The following XIRP2 variants were observed in gnomAD, a reference collection of about 807,000 sequenced individuals.
The protein encoded by XIRP2 is xin actin-binding repeat-containing protein 2.
Under a neutral mutation model 277.0 loss-of-function variants are expected in XIRP2, and 236 were observed. The ratio of observed to expected loss-of-function variants is 0.85; its 90% confidence interval spans 0.77 to 0.95. XIRP2 has a LOEUF of 0.95. Ranked by LOEUF, XIRP2 falls within the 40% of genes least tolerant of loss-of-function variation. XIRP2 has a pLI of 0.00. For synonymous variants in XIRP2, 1,490 were observed against 1,416.5 expected, an observed-to-expected ratio of 1.05 and a Z score of -1.17; for missense variants, 4,640 against 4,157.5, an observed-to-expected ratio of 1.12 and a Z score of -3.19.
intron 2 of XIRP2, among the ~76,000 whole-genome samples, chr2:166,996,138 A>G (rs756831154): frequency 1.3e-5 from 2 of 152,044 alleles, no homozygotes; most frequent in Non-Finnish European, 2.9e-5. Flanking sequence ...TTCTTTTCTT[A>G]TATTTAGTCT....
At chr2:167,233,075 A>G (rs936679241) in intron 5 of XIRP2, among the ~76,000 whole-genome samples, 1 of 151,928 alleles carries the variant, frequency 6.6e-6, no homozygotes, top group Non-Finnish European at 1.5e-5. Context: ...GTTGTGATAA[A>G]ATTTAGTTCA....
chr2:167,120,947 G>C (rs1691039206), intron 2 of XIRP2, among the ~76,000 whole-genome samples: 1 of 151,988 alleles, frequency 6.6e-6, no homozygotes, highest in South Asian at 2.1e-4. Context: ...AAATATCTTT[G>C]GGGTAGCTAC....
intron 3 of XIRP2, among the ~76,000 whole-genome samples, chr2:167,198,145 G>T (rs1246987255): frequency 6.6e-6 from 1 of 152,156 alleles, no homozygotes; most frequent in African/African-American, 2.4e-5. Flanking sequence ...TGTATCATAA[G>T]CAAGGAAGAC....
chr2:167,135,541 C>T lies in XIRP2; in HGVS notation c.409-368C>T, dbSNP rs112523944. ...CTGTCTTCAGCATATAATGTTTTTA[C>T]ATTGCCATTTTTTGAAAGTCCCTCA... On this transcript the variant is annotated intron_variant, in intron 2 of 10. Coordinates refer to ENST00000409195, the MANE Select transcript of XIRP2 (RefSeq NM_152381.6). 7.9e-3 allele frequency among the ~76,000 whole-genome samples: 1,202 copies of T among 152,144 alleles called. 20 individuals carry two copies. Among genetic ancestry groups the T allele is most frequent in the African/African-American group, 0.028 (1,161 of 41,524 alleles).
At chr2:166,896,493 TAAAAA>T (rs200125210) in intron 1 of XIRP2, among the ~76,000 whole-genome samples, 2 of 142,494 alleles carry the variant, frequency 1.4e-5, no homozygotes, top group Non-Finnish European at 3.1e-5. Flanking sequence ...TTTTAAAAAG[TAAAAA>T]AAAAAGAAAA....
At chr2:167,122,874 A>T (rs967060773) in intron 2 of XIRP2, among the ~76,000 whole-genome samples, 2 of 152,058 alleles carry the variant, frequency 1.3e-5, no homozygotes, top group African/African-American at 4.8e-5. Context: ...CCTAGTTTGC[A>T]TTTACAGTTT....
chr2:166,923,046 A>C (rs1015740640), intron 2 of XIRP2, among the ~76,000 whole-genome samples: 1 of 152,046 alleles, frequency 6.6e-6, no homozygotes, highest in African/African-American at 2.4e-5. Context: ...TGTAAGTGGC[A>C]TTCCTATCAT....
At chr2:167,221,657 A>G (rs1694436741) in intron 5 of XIRP2, among the ~76,000 whole-genome samples, 1 of 152,142 alleles carries the variant, frequency 6.6e-6, no homozygotes, top group Non-Finnish European at 1.5e-5. Flanking sequence ...TTCTTTTATC[A>G]GCAGGGATTT....
intron 9 of XIRP2, among the ~76,000 whole-genome samples, 171 bp downstream of exon 9, chr2:167,252,118 C>A (rs982331346): frequency 6.6e-6 from 1 of 151,986 alleles, no homozygotes; most frequent in Non-Finnish European, 1.5e-5. Flanking sequence ...GCTTTTACAA[C>A]ATTCTTTTCA....
chr2:167,194,421 T>C (rs1357686037), intron 3 of XIRP2, among the ~76,000 whole-genome samples: 2 of 152,178 alleles, frequency 1.3e-5, no homozygotes, highest in African/African-American at 2.4e-5. Flanking sequence ...TAGAAAAATT[T>C]CACAAATAAT....
At chr2:167,147,555 G>C (rs1026152270) in intron 3 of XIRP2, among the ~76,000 whole-genome samples, 2 of 152,182 alleles carry the variant, frequency 1.3e-5, no homozygotes, top group African/African-American at 4.8e-5. Context: ...ACAACCTCCA[G>C]CAAAAGTTGT....
At chr2:167,173,576 A>G (rs111551007) in intron 3 of XIRP2, among the ~76,000 whole-genome samples, 15,051 of 152,300 alleles carry the variant, frequency 0.099, 801 homozygotes, top group South Asian at 0.15. Flanking sequence ...ATTGTGAAGA[A>G]GGCTGCAATA....
At chr2:167,253,784 T>A (rs1479859869) in intron 9 of XIRP2, among the ~76,000 whole-genome samples, 3 of 151,820 alleles carry the variant, frequency 2.0e-5, no homozygotes, top group Non-Finnish European at 4.4e-5. Context: ...TATGTTTTTT[T>A]AAATCATAAA....
chr2:167,200,983 G>A (rs562704605), intron 3 of XIRP2, among the ~76,000 whole-genome samples: 17 of 151,438 alleles, frequency 1.1e-4, no homozygotes, highest in Admixed American at 5.3e-4. Flanking sequence ...AAAATTAGCC[G>A]GGTGTGGTGG....
At chr2:166,999,943 G>C (rs1043070644) in intron 2 of XIRP2, among the ~76,000 whole-genome samples, 1 of 152,014 alleles carries the variant, frequency 6.6e-6, no homozygotes, top group Non-Finnish European at 1.5e-5. Context: ...ATCCTGTAGA[G>C]AACTCAAGTA....
chr2:167,052,593 A>G (rs532666349), intron 2 of XIRP2, among the ~76,000 whole-genome samples: 1 of 152,318 alleles, frequency 6.6e-6, no homozygotes, highest in South Asian at 2.1e-4. Context: ...TCTACATAAC[A>G]GTACTTTTAA....
chr2:167,231,476 C>T (rs951068495), intron 5 of XIRP2, among the ~76,000 whole-genome samples: 1 of 151,892 alleles, frequency 6.6e-6, no homozygotes, highest in East Asian at 1.9e-4. Flanking sequence ...ATGAGTGGCA[C>T]CCCTTTTCTT....
intron 2 of XIRP2, among the ~76,000 whole-genome samples, chr2:166,955,576 A>G (rs1308470607): frequency 1.3e-5 from 2 of 151,880 alleles, no homozygotes; most frequent in African/African-American, 4.8e-5. Context: ...TATGTTTTAT[A>G]AAATATATCT....
intron 3 of XIRP2, among the ~76,000 whole-genome samples, chr2:167,171,642 A>T (rs1161303142): frequency 6.6e-6 from 1 of 152,244 alleles, no homozygotes; most frequent in East Asian, 1.9e-4. Flanking sequence ...TCTGTCAAGT[A>T]TGGAAAGAGA....
Sources: allele counts gnomAD v4.1 joint callset (sites outside exome capture counted in the v4.1 genomes callset), GRCh38; gene constraint gnomAD v4.1.1; transcripts MANE v1.5; gene names NCBI Gene and HGNC (gene_info 2026-07-23, HGNC 2026-07-21).